The following NR2F2 variants were observed in gnomAD, a reference collection of about 807,000 sequenced individuals.
NR2F2 encodes the protein COUP transcription factor 2.
In NR2F2, 2 loss-of-function variants were observed where a neutral mutation model predicts 34.8. That is an observed-to-expected ratio of 0.06 (90% CI 0.02 to 0.18). The LOEUF (loss-of-function observed/expected upper bound fraction) is 0.18, where lower values mean the gene tolerates loss of function less well. Among genes scored for constraint, NR2F2 ranks in the 10% least tolerant of loss-of-function variants. The pLI is 1.00. For synonymous variants in NR2F2, 274 were observed against 251.8 expected (o/e 1.09, Z -0.84); for missense variants, 300 against 580.1 (o/e 0.52, Z 4.96).
At chr15:96,335,584 T>C (rs1339087198) in intron 2 of NR2F2, among the ~76,000 whole-genome samples, 1 of 152,208 alleles carries the variant, frequency 6.6e-6, no homozygotes, top group East Asian at 1.9e-4. Context: ...CCTTTTGTCA[T>C]GGCTGAGAGG....
intron 1 of NR2F2, chr15:96,333,847 G>A: frequency 7.1e-7 from 1 of 1,417,694 alleles, no homozygotes; most frequent in Non-Finnish European, 9.2e-7. Flanking sequence ...AGCCCCGAGC[G>A]GGCCTCGGAG....
At chr15:96,329,808 G>T (rs756924666), upstream of NR2F2, among the ~76,000 whole-genome samples, 1 of 152,074 alleles carries the variant, frequency 6.6e-6, no homozygotes, top group Non-Finnish European at 1.5e-5. Context: ...GGGTAAAGTT[G>T]AGGAAAATTG....
upstream of NR2F2, among the ~76,000 whole-genome samples, chr15:96,330,447 C>T (rs1024267920): frequency 9.7e-5 from 14 of 144,558 alleles, no homozygotes; most frequent in Non-Finnish European, 1.8e-4. Context: ...CCCGCCCCCC[C>T]AACCCCCGGT....
intron 2 of NR2F2, 29 bp downstream of exon 2, chr15:96,334,632 C>T (rs1899264579): frequency 6.4e-7 from 1 of 1,560,556 alleles, no homozygotes; most frequent in Non-Finnish European, 8.7e-7. Context: ...TTCTCGTGCC[C>T]ACGGGCTCCT....
chr15:96,334,006 A>C, intron 1 of NR2F2, 70 bp from the exon 2 acceptor site: 1 of 1,556,610 alleles, frequency 6.4e-7, no homozygotes. Flanking sequence ...GGGCTGGGGC[A>C]GACCCCGCCG....
At chr15:96,333,693 C>A in intron 1 of NR2F2, 1 of 1,142,352 alleles carries the variant, frequency 8.8e-7, no homozygotes, top group Non-Finnish European at 1.1e-6. Context: ...CCCAGACTCG[C>A]CCCTCCCGCT....
intron 2 of NR2F2, among the ~76,000 whole-genome samples, 170 bp from the exon 3 acceptor site, chr15:96,337,178 T>G (rs1241350569): frequency 6.6e-6 from 1 of 151,932 alleles, no homozygotes; most frequent in Non-Finnish European, 1.5e-5. Context: ...CCTTAAGTTT[T>G]CAGTACATAG....
At position 96,332,059 on chromosome 15, in the gene NR2F2, C is replaced by G. The variant is rs942904631; in HGVS notation, c.-47C>G. ...CGGGGAGCCGCCGCCGCCCCGCCGCCGCCCGCAGCCAGGGGAGCAGGAAGT... is the reference window on the plus strand; with the variant it reads ...CGGGGAGCCGCCGCCGCCCCGCCGCGGCCCGCAGCCAGGGGAGCAGGAAGT... On this transcript the variant is annotated 5_prime_UTR_variant, in exon 1 of 3. Coordinates refer to ENST00000394166, the MANE Select transcript of NR2F2 (RefSeq NM_021005.4). 18 of 1,264,416 alleles carry G rather than the reference C, an allele frequency of 1.4e-5. No homozygotes were observed. The South Asian group carries it at 4.4e-4, about 31-fold the overall frequency. The allele number at this position is 1,264,416 out of a possible 1,614,324, so 78.3% of individuals were successfully genotyped here.
intron 2 of NR2F2, 42 bp from the exon 3 acceptor site, chr15:96,337,302 CTTCT>C (rs754536668): frequency 8.3e-6 from 13 of 1,558,544 alleles, no homozygotes; most frequent in South Asian, 2.3e-5. Flanking sequence ...TCTTCTTCTT[CTTCT>C]TTTTCTTCTT....
chr15:96,329,934 A>G (rs1358564803), upstream of NR2F2, among the ~76,000 whole-genome samples: 2 of 152,142 alleles, frequency 1.3e-5, no homozygotes, highest in African/African-American at 4.8e-5. Context: ...TTAACCCTAC[A>G]AGGAATAAAC....
Position 96,332,004 on chromosome 15 carries a change from A to T in NR2F2, c.-102A>T. The T allele has an allele frequency of 2.5e-6, 3 of 1,217,728 alleles. No individual in the cohort carries two copies. Among genetic ancestry groups the T allele is most frequent in the Non-Finnish European group, 2.0e-6 (2 of 978,536 alleles). The allele number at this position is 1,217,728 out of a possible 1,614,324, so 75.4% of individuals were successfully genotyped here. A position where few individuals can be genotyped will look rare whatever the true frequency, so the allele number is the denominator to read the frequency against. On this transcript the variant is annotated 5_prime_UTR_variant, in exon 1 of 3. Transcript: ENST00000394166. ...CGCGCCCTCTTGCACCCTCGCACAC[A>T]CAAAAGGCGGCGCGCCGGAGCCCGA...
In NR2F2 at chr15:96,332,150, G is replaced by T. The variant is rs1220467351; in HGVS notation, c.45G>T (p.Val15=). The T allele has an allele frequency of 7.4e-7, 1 of 1,355,764 alleles. No individual in the cohort carries two copies. Among genetic ancestry groups the T allele is most frequent in the Non-Finnish European group, 9.5e-7 (1 of 1,054,158 alleles). The allele number at this position is 1,355,764 out of a possible 1,614,324, so 84.0% of individuals were successfully genotyped here. A position where few individuals can be genotyped will look rare whatever the true frequency, so the allele number is the denominator to read the frequency against. ...VSTWRDPQDE[V]PGSQGSQASQ... The stretch of plus-strand genomic sequence containing the variant: ...CGTGGCGCGACCCCCAGGACGAGGT[G>T]CCCGGCTCACAGGGCAGCCAGGCCT... Residue 15 remains valine, a synonymous_variant, in exon 1 of 3, where the codon GTG becomes GTT. Coordinates refer to ENST00000394166, the MANE Select transcript of NR2F2 (RefSeq NM_021005.4).
chr15:96,332,337 G>A lies in NR2F2; in HGVS notation c.232G>A (p.Glu78Lys). Residue 78 changes from glutamate (E) to lysine (K), a missense_variant, in exon 1 of 3, where the codon GAG (glutamate) becomes AAG (lysine). Around this residue, in one of 6 missense-constraint regions of NR2F2, gnomAD observed 13 missense variants for 31.9 expected, o/e 0.41. Coordinates refer to ENST00000394166, the MANE Select transcript of NR2F2 (RefSeq NM_021005.4). ...CAAGCAGCAGCAGCAGCAACACATC[G>A]AGTGCGTGGTGTGCGGAGACAAGTC... ...SDKQQQQQHI[E>K]CVVCGDKSSG... is the part of the protein sequence containing the mutation. The A allele has an allele frequency of 6.2e-7, 1 of 1,605,152 alleles. No individual in the cohort carries two copies.
intron 1 of NR2F2, among the ~76,000 whole-genome samples, chr15:96,332,868 C>G (rs913055772): frequency 2.6e-5 from 4 of 151,046 alleles, no homozygotes; most frequent in African/African-American, 9.8e-5. Flanking sequence ...TTACTTCTCT[C>G]TCTCTGCCCT....
chr15:96,337,942 A>T lies in NR2F2; in HGVS notation c.*320A>T, dbSNP rs1382098678. 2 of 211,036 alleles carry T rather than the reference A, an allele frequency of 9.5e-6. No homozygotes were observed. The highest frequency in any genetic ancestry group is 1.9e-5 in the Non-Finnish European group (2 of 106,194). The allele number at this position is 211,036 out of a possible 1,614,324, so 13.1% of individuals were successfully genotyped here. A position where few individuals can be genotyped will look rare whatever the true frequency, so the allele number is the denominator to read the frequency against. On this transcript the variant is annotated 3_prime_UTR_variant, in exon 3 of 3. Coordinates refer to ENST00000394166, the MANE Select transcript of NR2F2 (RefSeq NM_021005.4). ...TTTTGAAAAATATTGCTAAAAGTGC[A>T]TTTAAGGAGATTGGGAGACAATTAG...
upstream of NR2F2, among the ~76,000 whole-genome samples, chr15:96,326,772 G>A (rs1242621395): frequency 6.6e-6 from 1 of 152,152 alleles, no homozygotes; most frequent in Non-Finnish European, 1.5e-5. The surrounding 1 kb of genome is among the most constrained non-coding windows in gnomAD (Gnocchi z 5.5). Context: ...GAGCTGCTAG[G>A]CTCGCACTAA....
At chr15:96,330,505 C>T (rs1321669683), upstream of NR2F2, among the ~76,000 whole-genome samples, 1 of 144,990 alleles carries the variant, frequency 6.9e-6, no homozygotes, top group African/African-American at 2.5e-5. Flanking sequence ...GCGCTAGGAC[C>T]GGGCTGCGCC....
At position 96,330,982 on chromosome 15, in the gene NR2F2, C is replaced by T; in HGVS notation, c.-1124C>T. The stretch of plus-strand genomic sequence containing the variant: ...CTTCTAGGTGGTGATCTGCCCTCCT[C>T]TCTCTCTTTTATCATTTCTCCCCCG... On this transcript the variant is annotated 5_prime_UTR_variant, in exon 1 of 3. Coordinates refer to ENST00000394166, the MANE Select transcript of NR2F2 (RefSeq NM_021005.4). 1 of 1,206,326 alleles carries T rather than the reference C, an allele frequency of 8.3e-7. No homozygotes were observed. The highest frequency in any genetic ancestry group is 3.3e-5 in the East Asian group (1 of 30,362). The allele number at this position is 1,206,326 out of a possible 1,614,324, so 74.7% of individuals were successfully genotyped here.
Position 96,331,771 on chromosome 15 carries a change from T to A in NR2F2, c.-335T>A, listed in dbSNP as rs1899151336. The stretch of plus-strand genomic sequence containing the variant: ...TCCCTCCCCTCCCTCTTTCTCCACG[T>A]TCTGCTCCCACTCGCTCTCCTGTCC... On this transcript the variant is annotated 5_prime_UTR_variant, in exon 1 of 3. Coordinates refer to ENST00000394166, the MANE Select transcript of NR2F2 (RefSeq NM_021005.4). The A allele has an allele frequency of 8.6e-7, 1 of 1,169,434 alleles. No individual in the cohort carries two copies. The highest frequency in any genetic ancestry group is 1.1e-6 in the Non-Finnish European group (1 of 939,684). The allele number at this position is 1,169,434 out of a possible 1,614,324, so 72.4% of individuals were successfully genotyped here. A position where few individuals can be genotyped will look rare whatever the true frequency, so the allele number is the denominator to read the frequency against.
Sources: gnomAD v4.1 joint callset for allele counts (sites outside exome capture counted in the v4.1 genomes callset) on GRCh38, gnomAD v4.1.1 for gene constraint, gnomAD v4.1.1 regional missense constraint, Gnocchi (gnomAD v3.1) non-coding constraint, MANE v1.5 for transcripts, NCBI Gene and HGNC (gene_info 2026-07-23, HGNC 2026-07-21) for gene names.